SCIN: variants seen among roughly 807,000 people sequenced by gnomAD.
SCIN encodes the protein adseverin.
In SCIN, 91 loss-of-function variants were observed where a neutral mutation model predicts 91.8. That is an observed-to-expected ratio of 0.99 (90% CI 0.84 to 1.18). The LOEUF (loss-of-function observed/expected upper bound fraction) is 1.18, where lower values mean the gene tolerates loss of function less well. Ranked by LOEUF, SCIN falls within the 50% of genes most tolerant of loss-of-function variation. SCIN has a pLI of 0.00. For synonymous variants in SCIN, 367 were observed against 312.6 expected (o/e 1.17, Z -1.84); for missense variants, 1,087 against 863.9 (o/e 1.26, Z -3.24).
chr7:12,640,618 C>A (rs781308415), intron 11 of SCIN, 101 bp downstream of exon 11: 5 of 1,017,840 alleles, frequency 4.9e-6, no homozygotes, highest in Non-Finnish European at 6.6e-6. Context: ...CAAATAAACT[C>A]CCTTCATTCC....
At position 12,654,539 on chromosome 7, in the gene SCIN, A is replaced by T. The variant is rs926915016; in HGVS notation, c.*1824A>T. The T allele has an allele frequency of 1.4e-4, 21 of 152,222 alleles. No individual in the cohort carries two copies. Among genetic ancestry groups the T allele is most frequent in the Admixed American group, 1.1e-3 (17 of 15,288 alleles). The allele number at this position is 152,222 out of a possible 1,614,324, so 9.4% of individuals were successfully genotyped here. A position where few individuals can be genotyped will look rare whatever the true frequency, so the allele number is the denominator to read the frequency against. On this transcript the variant is annotated 3_prime_UTR_variant, in exon 16 of 16. Transcript: ENST00000297029. ...TGTAATTGAGTGAAAAATAATTTTT[A>T]AAAATATTTATAAATATCTTCTGGG...
At chr7:12,611,049 G>T (rs1175537626) in intron 4 of SCIN, 2 of 152,312 alleles carry the variant, frequency 1.3e-5, no homozygotes, top group East Asian at 3.9e-4. Flanking sequence ...ACTGCTGCCC[G>T]CTGCCTGGCT....
At chr7:12,627,726 C>T (rs1213143496) in intron 8 of SCIN, among the ~76,000 whole-genome samples, 6 of 152,172 alleles carry the variant, frequency 3.9e-5, no homozygotes, top group African/African-American at 7.2e-5. Context: ...GTATTGACTT[C>T]TGGGTCTGCA....
chr7:12,652,690 T>C lies in SCIN; in HGVS notation c.2123T>C (p.Leu708Pro). Residue 708 changes from leucine to proline, a missense_variant, in exon 16 of 16, where the codon CTG (leucine) becomes CCG (proline). Coordinates refer to ENST00000297029, the MANE Select transcript of SCIN (RefSeq NM_001112706.3). ...HEPPTFTGWF[L>P]GWDSSKW is the part of the protein sequence containing the mutation. ...CCACCCACATTCACAGGCTGGTTCC[T>C]GGGCTGGGATTCCAGCAAGTGGTAA... The C allele has an allele frequency of 6.2e-7, 1 of 1,604,782 alleles. No homozygotes were observed. The highest frequency in any genetic ancestry group is 8.5e-7 in the Non-Finnish European group (1 of 1,177,102).
intron 10 of SCIN, 21 bp downstream of exon 10, chr7:12,636,156 A>C (rs777912865): frequency 1.3e-6 from 2 of 1,575,478 alleles, no homozygotes; most frequent in South Asian, 1.1e-5. Flanking sequence ...TTTTACCCCC[A>C]AAACTCACAC....
At chr7:12,600,044 T>C (rs1445435572) in intron 3 of SCIN, among the ~76,000 whole-genome samples, 1 of 152,232 alleles carries the variant, frequency 6.6e-6, no homozygotes. Flanking sequence ...CCTTTGTTTT[T>C]GTTGCATTTG....
intron 1 of SCIN, chr7:12,577,405 A>C: frequency 2.7e-6 from 1 of 376,046 alleles, no homozygotes; most frequent in Non-Finnish European, 5.2e-6. Context: ...TAAAGGCTAA[A>C]CCACTTGTCA....
chr7:12,602,147 G>T (rs1226856452), intron 3 of SCIN, among the ~76,000 whole-genome samples: 1 of 152,192 alleles, frequency 6.6e-6, no homozygotes, highest in African/African-American at 2.4e-5. Context: ...TACAAAGAGA[G>T]GAATTTTACA....
chr7:12,636,552 GA>G (rs1783756539), intron 10 of SCIN, among the ~76,000 whole-genome samples: 1 of 152,118 alleles, frequency 6.6e-6, no homozygotes. Context: ...AAGCAAAGGA[GA>G]ATTAAGGTCG....
chr7:12,626,007 A>G (rs940003257), intron 7 of SCIN, 157 bp downstream of exon 7: 5 of 578,602 alleles, frequency 8.6e-6, no homozygotes, highest in African/African-American at 1.9e-5. Context: ...CCTCTTCTTT[A>G]TCTGCGTGGG....
intron 13 of SCIN, among the ~76,000 whole-genome samples, chr7:12,646,254 C>T (rs1360473229): frequency 6.6e-6 from 1 of 152,156 alleles, no homozygotes; most frequent in Non-Finnish European, 1.5e-5. Flanking sequence ...AAACCACAAA[C>T]ATTTATTTTT....
At chr7:12,624,720 T>G (rs531326726) in intron 5 of SCIN, among the ~76,000 whole-genome samples, 2 of 152,238 alleles carry the variant, frequency 1.3e-5, no homozygotes, top group Non-Finnish European at 2.9e-5. Flanking sequence ...TCTTTTCTGA[T>G]GTTTTAGGCA....
At chr7:12,579,493 C>T (rs925744142) in intron 2 of SCIN, among the ~76,000 whole-genome samples, 2 of 152,144 alleles carry the variant, frequency 1.3e-5, no homozygotes, top group Non-Finnish European at 2.9e-5. Context: ...AGTTATGAAC[C>T]CATTTCTGCC....
chr7:12,575,402 G>A (rs185603352), intron 1 of SCIN, among the ~76,000 whole-genome samples: 3 of 151,880 alleles, frequency 2.0e-5, no homozygotes, highest in Admixed American at 2.0e-4. Context: ...TTGAATAAGA[G>A]TGGTGTGAGT....
intron 4 of SCIN, among the ~76,000 whole-genome samples, chr7:12,618,192 A>G (rs1783337315): frequency 6.6e-6 from 1 of 152,116 alleles, no homozygotes; most frequent in Admixed American, 6.6e-5. Flanking sequence ...ATTCCTTAAA[A>G]TTAAATAAAA....
intron 9 of SCIN, among the ~76,000 whole-genome samples, chr7:12,631,603 G>C (rs941587824): frequency 1.3e-5 from 2 of 152,172 alleles, no homozygotes; most frequent in South Asian, 4.1e-4. Flanking sequence ...AAAGAAGCCT[G>C]AGCTGGCATA....
intron 3 of SCIN, among the ~76,000 whole-genome samples, chr7:12,603,827 A>G (rs929865743): frequency 6.6e-6 from 1 of 152,100 alleles, no homozygotes; most frequent in African/African-American, 2.4e-5. Context: ...TTATATAACT[A>G]TTATCCTATT....
At chr7:12,594,675 C>T (rs1782800898) in intron 3 of SCIN, among the ~76,000 whole-genome samples, 2 of 151,972 alleles carry the variant, frequency 1.3e-5, no homozygotes, top group African/African-American at 4.8e-5. Context: ...TGAGAGGCTC[C>T]CATAGTGAAT....
At chr7:12,639,039 TA>T (rs1264949693) in intron 10 of SCIN, among the ~76,000 whole-genome samples, 2 of 152,246 alleles carry the variant, frequency 1.3e-5, no homozygotes, top group African/African-American at 4.8e-5. Context: ...ATTTTTAGTT[TA>T]ATCACTAGAT....
Sources: allele counts gnomAD v4.1 joint callset (sites outside exome capture counted in the v4.1 genomes callset), GRCh38; gene constraint gnomAD v4.1.1; transcripts MANE v1.5; gene names NCBI Gene and HGNC (gene_info 2026-07-23, HGNC 2026-07-21).